Variants in NBEAL2 observed in about 807,000 individuals in gnomAD.
NBEAL2 encodes neurobeachin like 2.
NBEAL2 carries 160 observed loss-of-function variants against 299.8 expected under a neutral mutation model. That is an observed-to-expected ratio of 0.53 (90% CI 0.47 to 0.61). The LOEUF (loss-of-function observed/expected upper bound fraction) is 0.61, where lower values mean the gene tolerates loss of function less well. Ranked by LOEUF, NBEAL2 falls within the 20% of genes least tolerant of loss-of-function variation. The pLI is 0.00. For synonymous variants in NBEAL2, 1,493 were observed against 1,542.3 expected, an observed-to-expected ratio of 0.97 and a Z score of 0.75; for missense variants, 3,112 against 3,649.0, an observed-to-expected ratio of 0.85 and a Z score of 3.79.
chr3:46,999,931 C>T lies in NBEAL2; in HGVS notation c.3832C>T (p.Leu1278=). 1 of 1,611,692 alleles carries T rather than the reference C, an allele frequency of 6.2e-7. No individual in the cohort carries two copies. The highest frequency in any genetic ancestry group is 8.5e-7 in the Non-Finnish European group (1 of 1,179,072). ...CGGACAGCCAGATGTAGTGCGGCTTCTGGCCCGACAGGCTGGCTGGCAAGA... is the reference window on the plus strand; with the variant it reads ...CGGACAGCCAGATGTAGTGCGGCTTTTGGCCCGACAGGCTGGCTGGCAAGA... ...IYGQPDVVRL[L]ARQAGWQDVL... is the part of the protein sequence containing the mutation. Residue 1278 remains leucine (L), a synonymous_variant, in exon 27 of 54, where the codon CTG becomes TTG. Transcript: ENST00000450053.
At position 47,002,450 on chromosome 3, in the gene NBEAL2, G is replaced by C. The variant is rs756339289; in HGVS notation, c.5231G>C (p.Cys1744Ser). 6.2e-7 allele frequency: 1 copy of C among 1,613,334 alleles called. No individual in the cohort carries two copies. The highest frequency in any genetic ancestry group is 8.5e-7 in the Non-Finnish European group (1 of 1,179,904). ...HDLMSGFWNACYDMLMSSGQR... is the reference protein window; with the variant it reads ...HDLMSGFWNASYDMLMSSGQR... ...CTTATGTCAGGTTTCTGGAATGCCT[G>C]CTATGACATGCTTATGAGCAGTGGG... The change falls in exon 32 of 54, where the codon TGC (cysteine) becomes TCC (serine). Residue 1744 changes from cysteine (C) to serine (S), a missense_variant. Physicochemically the swap from Cys to Ser is moderately radical, Grantham distance 112. Coordinates refer to ENST00000450053, the MANE Select transcript of NBEAL2 (RefSeq NM_015175.3).
chr3:46,997,323 A>G lies in NBEAL2; in HGVS notation c.2714A>G (p.Gln905Arg), dbSNP rs1251656411. ...CCCCTGCTGGAGCGAGTAGCTGCAC[A>G]GCCCAAAGAGGCTGAAGCAGGTCCA... ...LLPLLERVAA[Q>R]PKEAEAGPAE... Residue 905 changes from glutamine (Q) to arginine (R), a missense_variant, in exon 19 of 54, where the codon CAG (glutamine) becomes CGG (arginine). By Grantham distance (43) the Gln-to-Arg change is conservative (BLOSUM62 1). Transcript: ENST00000450053. 1.2e-6 allele frequency: 2 copies of G among 1,613,066 alleles called. No homozygotes were observed. Among genetic ancestry groups the G allele is most frequent in the Non-Finnish European group, 1.7e-6 (2 of 1,179,852 alleles).
In NBEAL2 at chr3:46,996,723, G is replaced by A. The variant is rs772951161; in HGVS notation, c.2474-28G>A. The A allele has an allele frequency of 1.5e-4, 247 of 1,604,934 alleles. 3 individuals carry two copies. Among genetic ancestry groups the A allele is most frequent in the Non-Finnish European group, 7.7e-6 (9 of 1,174,918 alleles). On this transcript the variant is annotated intron_variant, in intron 16 of 53. Coordinates refer to ENST00000450053, the MANE Select transcript of NBEAL2 (RefSeq NM_015175.3). Reference sequence around the variant, plus strand: ...TGGGGTTTGGCCAGAGGCCTAGCAAGGTCTGAAGCCCCCTGCCCACCTCCC... The same window carrying A: ...TGGGGTTTGGCCAGAGGCCTAGCAAAGTCTGAAGCCCCCTGCCCACCTCCC...
chr3:46,999,242 A>T (rs552946227), intron 24 of NBEAL2, 73 bp from the exon 25 acceptor site: 1 of 1,553,876 alleles, frequency 6.4e-7, no homozygotes, highest in South Asian at 1.2e-5. Context: ...TGAGCCACAC[A>T]CCTGCACGGT....
rs746748354 is a variant in NBEAL2, at chr3:47,001,200, G to T, written c.4484+21G>T. ...CGCAGGTGAGAGGGAAAGTCTGGAG[G>T]GGGAGGGGCTTCAGGAAGCCTCGGG... On this transcript the variant is annotated intron_variant, in intron 28 of 53. Coordinates refer to ENST00000450053, the MANE Select transcript of NBEAL2 (RefSeq NM_015175.3). This position sits in a 1 kb window ranked among gnomAD's most constrained non-coding sequence, Gnocchi z 6.1. 4 of 1,604,524 alleles carry T rather than the reference G, an allele frequency of 2.5e-6. No homozygotes were observed. The highest frequency in any genetic ancestry group is 1.7e-4 in the Middle Eastern group (1 of 6,022).
At chr3:47,002,873 C>G (rs567307637) in intron 33 of NBEAL2, 71 bp downstream of exon 33, 10 of 1,571,224 alleles carry the variant, frequency 6.4e-6, no homozygotes, top group Non-Finnish European at 8.6e-6. Flanking sequence ...CCTGGAGCCC[C>G]AGACTGCCTT....
rs1301587734 is a variant in NBEAL2, at chr3:46,995,515, C to A, written c.1780C>A (p.Pro594Thr). 2 of 1,612,884 alleles carry A rather than the reference C, an allele frequency of 1.2e-6. No homozygotes were observed. The highest frequency in any genetic ancestry group is 2.2e-5 in the East Asian group (1 of 44,882). ...CAGCATGGCGGGCATCATGGTACCC[C>A]CTGTACAGCGATGGCCAGGGCCTGG... is the stretch of plus-strand genomic sequence containing the variant. ...TPSMAGIMVP[P>T]VQRWPGPGFT... Residue 594 changes from proline to threonine, a missense_variant, in exon 13 of 54, where the codon CCT (proline) becomes ACT (threonine). Around this residue, in one of 3 missense-constraint regions of NBEAL2, gnomAD observed 2,243 missense variants for 2,538.1 expected, o/e 0.88. Transcript: ENST00000450053.
In NBEAL2 at chr3:46,995,348, G is replaced by A. The variant is rs368310677; in HGVS notation, c.1613G>A (p.Arg538His). Residue 538 changes from arginine to histidine, a missense_variant, in exon 13 of 54, where the codon CGC (arginine) becomes CAC (histidine). Transcript: ENST00000450053. ...IRPMELRHLL[R>H]PRPGLDSEPG... is the part of the protein sequence containing the mutation. ...CCCATGGAGCTGCGTCACCTGCTGCGCCCCCGGCCAGGATTGGACTCGGAA... is the reference window on the plus strand; with the variant it reads ...CCCATGGAGCTGCGTCACCTGCTGCACCCCCGGCCAGGATTGGACTCGGAA... The A allele has an allele frequency of 8.6e-5, 138 of 1,609,506 alleles. No individual in the cohort carries two copies. Among genetic ancestry groups the A allele is most frequent in the Non-Finnish European group, 1.0e-4 (121 of 1,178,530 alleles).
At position 47,009,003 on chromosome 3, in the gene NBEAL2, C is replaced by G. The variant is rs556168633; in HGVS notation, c.8042C>G (p.Ala2681Gly). 20 of 1,599,566 alleles carry G rather than the reference C, an allele frequency of 1.3e-5. No homozygotes were observed. Among genetic ancestry groups the G allele is most frequent in the Non-Finnish European group, 1.7e-5 (20 of 1,179,836 alleles). Residue 2681 changes from alanine (A) to glycine (G), a missense_variant, in exon 53 of 54, where the codon GCG (alanine) becomes GGG (glycine). Physicochemically the swap from Ala to Gly is moderately conservative, Grantham distance 60 (BLOSUM62 0). Around this residue, in one of 3 missense-constraint regions of NBEAL2, gnomAD observed 348 missense variants for 381.4 expected, o/e 0.91. Transcript: ENST00000450053. ...CTCCCTTCCAGACTGCTCCCGGCCG[C>G]GCCTCCCTTGCCCATGAAGGTGGCC... The part of the protein sequence containing the change: ...ILQLNTLLPA[A>G]PPLPMKVAIR...
Position 47,000,937 on chromosome 3 carries a change from T to G in NBEAL2, c.4306-64T>G. The G allele has an allele frequency of 6.5e-7, 1 of 1,545,592 alleles. No individual in the cohort carries two copies. The highest frequency in any genetic ancestry group is 1.2e-5 in the South Asian group (1 of 83,754). ...GGTGCTGAGTGGGGATGGGTGGGCGTCAGCCTGATTCCCTCCCTTAGCCGC... is the reference window on the plus strand; with the variant it reads ...GGTGCTGAGTGGGGATGGGTGGGCGGCAGCCTGATTCCCTCCCTTAGCCGC... On this transcript the variant is annotated intron_variant, in intron 27 of 53. Coordinates refer to ENST00000450053, the MANE Select transcript of NBEAL2 (RefSeq NM_015175.3). This position sits in a 1 kb window ranked among gnomAD's most constrained non-coding sequence, Gnocchi z 4.5.
chr3:47,007,183 C>T, intron 46 of NBEAL2, 28 bp downstream of exon 46: 1 of 1,611,766 alleles, frequency 6.2e-7, no homozygotes, highest in Non-Finnish European at 8.5e-7. Context: ...AGCCCCAGCT[C>T]AGCTCCACTC....
In NBEAL2 at chr3:46,996,734, C is replaced by A. The variant is rs543584388; in HGVS notation, c.2474-17C>A. The stretch of plus-strand genomic sequence containing the variant: ...CAGAGGCCTAGCAAGGTCTGAAGCC[C>A]CCTGCCCACCTCCCAGGGCCCAATG... On this transcript the variant is annotated splice_polypyrimidine_tract_variant and intron_variant, in intron 16 of 53. Coordinates refer to ENST00000450053, the MANE Select transcript of NBEAL2 (RefSeq NM_015175.3). The A allele has an allele frequency of 9.1e-5, 147 of 1,609,662 alleles. 1 individual carries two copies. In the South Asian group the frequency reaches 1.5e-3, roughly 16 times the overall value.
At position 47,002,292 on chromosome 3, in the gene NBEAL2, C is replaced by T. The variant is rs1475276966; in HGVS notation, c.5151+4C>T. ...GCGCCACTTCATCGACAAACAGGTG[C>T]CTGGAGGTTGGGGCCCAGGAAGAGG... On this transcript the variant is annotated splice_donor_region_variant and intron_variant, in intron 31 of 53. Transcript: ENST00000450053. 1 of 1,579,650 alleles carries T rather than the reference C, an allele frequency of 6.3e-7. No homozygotes were observed.
chr3:46,989,062 T>C lies in NBEAL2; in HGVS notation c.270-23T>C. 6.2e-7 allele frequency: 1 copy of C among 1,612,752 alleles called. No homozygotes were observed. Among genetic ancestry groups the C allele is most frequent in the Non-Finnish European group, 8.5e-7 (1 of 1,179,360 alleles). On this transcript the variant is annotated intron_variant, in intron 3 of 53. Transcript: ENST00000450053. This position sits in a 1 kb window ranked among gnomAD's most constrained non-coding sequence, Gnocchi z 5.5. Reference sequence around the variant, plus strand: ...AGGGGCATGGTGTATTATTGTGACCTCTCTCATCATTGACTCCCCCAGGAA... The same window carrying C: ...AGGGGCATGGTGTATTATTGTGACCCCTCTCATCATTGACTCCCCCAGGAA...
At chr3:46,992,609 C>T (rs1575594944) in intron 10 of NBEAL2, 54 bp downstream of exon 10, 5 of 1,478,946 alleles carry the variant, frequency 3.4e-6, no homozygotes, top group Non-Finnish European at 4.6e-6. Context: ...CCTCTTTGAG[C>T]TTTTCCTGCA....
rs1056411488 is a variant in NBEAL2 at position 46,989,745 on chromosome 3, GAC to G, written c.556+154_556+155del. Among the ~76,000 whole-genome samples, 1 of 151,970 alleles carries G rather than the reference GAC, an allele frequency of 6.6e-6. No homozygotes were observed. The highest frequency in any genetic ancestry group is 2.4e-5 in the African/African-American group (1 of 41,366). On this transcript the variant is annotated intron_variant, in intron 6 of 53. Transcript: ENST00000450053. The surrounding 1 kb of genome is among the most constrained non-coding windows in gnomAD (Gnocchi z 5.5). ...GACCAAGCAAGAGTTTAGGGACAGAGACAAGAGAAGACATCTTGGGCTGGAGC... is the reference window on the plus strand; with the variant it reads ...GACCAAGCAAGAGTTTAGGGACAGAGAAGAGAAGACATCTTGGGCTGGAGC...
rs2036992440 is a variant in NBEAL2 at position 47,001,547 on chromosome 3, T to C, written c.4644+109T>C. The C allele has an allele frequency of 7.1e-6, 11 of 1,550,606 alleles. No individual in the cohort carries two copies. The highest frequency in any genetic ancestry group is 1.8e-5 in the Admixed American group (1 of 55,304). ...GTACACGTGCGCAGGTGTGGGTGCATCAGCATGAATGCCTGTGAGTGTGGA... is the reference window on the plus strand; with the variant it reads ...GTACACGTGCGCAGGTGTGGGTGCACCAGCATGAATGCCTGTGAGTGTGGA... On this transcript the variant is annotated intron_variant, in intron 29 of 53. Transcript: ENST00000450053. This position sits in a 1 kb window ranked among gnomAD's most constrained non-coding sequence, Gnocchi z 6.1.
rs758690776 is a variant in NBEAL2, at chr3:47,003,991, TGTG to T, written c.5881+18_5881+20del. On this transcript the variant is annotated intron_variant, in intron 36 of 53. Coordinates refer to ENST00000450053, the MANE Select transcript of NBEAL2 (RefSeq NM_015175.3). The surrounding 1 kb of genome is among the most constrained non-coding windows in gnomAD (Gnocchi z 7.0). ...AACCGAGGAGGGTGCGTCCTGGTGG[TGTG>T]GTTTAGGAGGATGGCAGGGAATGGC... 6.2e-7 allele frequency: 1 copy of T among 1,611,130 alleles called. No homozygotes were observed. The highest frequency in any genetic ancestry group is 8.5e-7 in the Non-Finnish European group (1 of 1,178,340).
Position 46,994,452 on chromosome 3 carries a change from C to T in NBEAL2, c.1198-3C>T, listed in dbSNP as rs1298230831. On this transcript the variant is annotated splice_region_variant and splice_polypyrimidine_tract_variant and intron_variant, in intron 11 of 53. Transcript: ENST00000450053. ...CACTTCTTCCCCATACTACCTTACA[C>T]AGGAGGTGTTTAAGGAGCGCATCGG... is the stretch of plus-strand genomic sequence containing the variant. The T allele has an allele frequency of 3.2e-6, 5 of 1,586,672 alleles. No individual in the cohort carries two copies. Among genetic ancestry groups the T allele is most frequent in the African/African-American group, 2.7e-5 (2 of 74,568 alleles).
Sources: gnomAD v4.1 joint callset for allele counts (sites outside exome capture counted in the v4.1 genomes callset) on GRCh38, gnomAD v4.1.1 for gene constraint, gnomAD v4.1.1 regional missense constraint, Gnocchi (gnomAD v3.1) non-coding constraint, MANE v1.5 for transcripts, NCBI Gene and HGNC (gene_info 2026-07-23, HGNC 2026-07-21) for gene names.